The following MATR3 variants were observed in gnomAD, a reference collection of about 807,000 sequenced individuals.
MATR3 encodes the protein matrin 3.
In MATR3, 4 loss-of-function variants were observed where a neutral mutation model predicts 85.5. That is an observed-to-expected ratio of 0.05 (90% CI 0.02 to 0.11). MATR3 has a LOEUF of 0.11. Ranked by LOEUF, MATR3 falls within the 10% of genes least tolerant of loss-of-function variation. The pLI is 1.00. For synonymous variants in MATR3, 336 were observed against 343.1 expected, an observed-to-expected ratio of 0.98 and a Z score of 0.23; for missense variants, 685 against 1,016.1, an observed-to-expected ratio of 0.67 and a Z score of 4.43.
chr5:139,317,202 T>C lies in MATR3; in HGVS notation c.1182+97T>C, dbSNP rs750496768. The C allele has an allele frequency of 1.1e-5, 13 of 1,151,238 alleles. No homozygotes were observed. In the Middle Eastern group the frequency reaches 5.8e-4, roughly 52 times the overall value. The allele number at this position is 1,151,238 out of a possible 1,614,324, so 71.3% of individuals were successfully genotyped here. A position where few individuals can be genotyped will look rare whatever the true frequency, so the allele number is the denominator to read the frequency against. On this transcript the variant is annotated intron_variant, in intron 6 of 14. Coordinates refer to ENST00000394805, the MANE Select transcript of MATR3 (RefSeq NM_018834.6). Reference sequence around the variant, plus strand: ...AGTTGAGTATGTATCGTGGTCCTTATGGGAACATTGCTGTAATTTGAAAAC... The same window carrying C: ...AGTTGAGTATGTATCGTGGTCCTTACGGGAACATTGCTGTAATTTGAAAAC...
chr5:139,311,305 A>G (rs1228294863), intron 2 of MATR3: 1 of 152,192 alleles, frequency 6.6e-6, no homozygotes, highest in Non-Finnish European at 1.5e-5. Flanking sequence ...TTTCCTACAG[A>G]AATGTCTGAA....
Position 139,307,876 on chromosome 5 carries a change from C to G in MATR3, c.461C>G (p.Pro154Arg), listed in dbSNP as rs1754789311. 1 of 1,614,018 alleles carries G rather than the reference C, an allele frequency of 6.2e-7. No individual in the cohort carries two copies. The change falls in exon 2 of 15, where the codon CCT becomes CGT. Residue 154 changes from proline to arginine, a missense_variant. Around this residue, in one of 9 missense-constraint regions of MATR3, gnomAD observed 223 missense variants for 334.4 expected, o/e 0.67. Coordinates refer to ENST00000394805, the MANE Select transcript of MATR3 (RefSeq NM_018834.6). The surrounding 1 kb of genome is among the most constrained non-coding windows in gnomAD (Gnocchi z 4.4). ...QLKRRRTEEG[P>R]TLSYGRDGRS... ...AAAAGGAGGAGAACTGAAGAAGGCCCTACCTTGAGTTATGGTAGAGATGGC... is the reference window on the plus strand; with the variant it reads ...AAAAGGAGGAGAACTGAAGAAGGCCGTACCTTGAGTTATGGTAGAGATGGC...
chr5:139,323,040 C>G (rs1755659730), intron 12 of MATR3, 73 bp downstream of exon 12: 1 of 1,419,698 alleles, frequency 7.0e-7, no homozygotes. Flanking sequence ...TTTACCTAAG[C>G]AGGATCAGAT....
intron 7 of MATR3, 115 bp downstream of exon 7, chr5:139,317,836 A>G: frequency 9.5e-7 from 1 of 1,051,508 alleles, no homozygotes; most frequent in Non-Finnish European, 1.4e-6. Flanking sequence ...TAAGTTTATC[A>G]AATGCAGAAT....
chr5:139,279,155 T>C (rs1402488582), intron 3 of MATR3: 1 of 454,032 alleles, frequency 2.2e-6, no homozygotes, highest in African/African-American at 2.0e-5. Context: ...GTCATGTAGG[T>C]CCCAATTAAA....
At chr5:139,277,750 T>C (rs943799996) in intron 2 of MATR3, among the ~76,000 whole-genome samples, 2 of 145,006 alleles carry the variant, frequency 1.4e-5, no homozygotes, top group Non-Finnish European at 3.0e-5. Context: ...AAATATATCA[T>C]GTCTGCTCGT....
rs865888982 is a variant in MATR3 at position 139,330,374 on chromosome 5, G to A, written c.*979G>A. On this transcript the variant is annotated 3_prime_UTR_variant, in exon 15 of 15. Transcript: ENST00000394805. ...ATATCTGTGGATTCAAGTTACTGAA[G>A]TGAATACCAATAAAAAGAAAACCCT... 1.1e-4 allele frequency: 49 copies of A among 454,354 alleles called. No individual in the cohort carries two copies. Among genetic ancestry groups the A allele is most frequent in the Middle Eastern group, 1.4e-3 (2 of 1,466 alleles). The allele number at this position is 454,354 out of a possible 1,614,324, so 28.1% of individuals were successfully genotyped here.
chr5:139,321,716 A>G, intron 9 of MATR3, 182 bp from the exon 10 acceptor site: 2 of 632,210 alleles, frequency 3.2e-6, no homozygotes, highest in Non-Finnish European at 5.4e-6. Flanking sequence ...CCAGTACATC[A>G]ACGCTTCAGC....
intron 1 of MATR3, among the ~76,000 whole-genome samples, chr5:139,295,402 T>A (rs538443841): frequency 1.3e-5 from 2 of 152,374 alleles, no homozygotes; most frequent in South Asian, 4.1e-4. Context: ...GCCAGATGTG[T>A]GTTGAAGTGC....
intron 9 of MATR3, among the ~76,000 whole-genome samples, chr5:139,321,336 A>G (rs1172218286): frequency 3.0e-4 from 45 of 151,916 alleles, no homozygotes; most frequent in Admixed American, 3.0e-3. Context: ...CATTTGTAGT[A>G]GAGATGGGGT....
At position 139,307,138 on chromosome 5, in the gene MATR3, TG is replaced by T. The variant is rs1316769086; in HGVS notation, c.-177-100del. The T allele has an allele frequency of 1.7e-5, 14 of 811,536 alleles. No homozygotes were observed. The highest frequency in any genetic ancestry group is 5.0e-4 in the Middle Eastern group (1 of 1,984). The allele number at this position is 811,536 out of a possible 1,614,324, so 50.3% of individuals were successfully genotyped here. A position where few individuals can be genotyped will look rare whatever the true frequency, so the allele number is the denominator to read the frequency against. ...TTCCTTGTAAGTTTGAGATCTTAAA[TG>T]TTTTTTTTTTAAATCAACATGATGC... On this transcript the variant is annotated intron_variant, in intron 1 of 14. Transcript: ENST00000394805. This position sits in a 1 kb window ranked among gnomAD's most constrained non-coding sequence, Gnocchi z 4.4.
chr5:139,331,246 A>G lies in MATR3; in HGVS notation c.*1851A>G, dbSNP rs758790547. On this transcript the variant is annotated 3_prime_UTR_variant, in exon 15 of 15. Transcript: ENST00000394805. The stretch of plus-strand genomic sequence containing the variant: ...AAGTAGGTGATGATTTTAATGTGAC[A>G]TGCACAAAAAATCCTTGCCAGTTTA... The G allele has an allele frequency of 1.3e-5, 6 of 454,164 alleles. No individual in the cohort carries two copies. Among genetic ancestry groups the G allele is most frequent in the South Asian group, 9.3e-5 (6 of 64,482 alleles). The allele number at this position is 454,164 out of a possible 1,614,324, so 28.1% of individuals were successfully genotyped here. A position where few individuals can be genotyped will look rare whatever the true frequency, so the allele number is the denominator to read the frequency against.
chr5:139,313,924 G>GTT (rs1338214467), intron 2 of MATR3: 1 of 152,140 alleles, frequency 6.6e-6, no homozygotes, highest in African/African-American at 2.4e-5. Context: ...TTTTTGTTTT[G>GTT]TTTTGTTTTG....
chr5:139,311,768 T>TTTTTTTTTTTTTTTTTTG, intron 2 of MATR3: 1 of 118,560 alleles, frequency 8.4e-6, no homozygotes, highest in Non-Finnish European at 1.7e-5. Flanking sequence ...TTTTTTTTTT[T>TTTTTTTTTTTTTTTTTTG]TTTTTTTTTT....
In MATR3 at chr5:139,330,081, G is replaced by A. The variant is rs1417379646; in HGVS notation, c.*686G>A. On this transcript the variant is annotated 3_prime_UTR_variant, in exon 15 of 15. Transcript: ENST00000394805. Reference sequence around the variant, plus strand: ...AAAATATTCCCGTTATCTTTGACCAGTATTAATTTTTGAGATCTTACTGCT... The same window carrying A: ...AAAATATTCCCGTTATCTTTGACCAATATTAATTTTTGAGATCTTACTGCT... 2.2e-6 allele frequency: 1 copy of A among 454,470 alleles called. No individual in the cohort carries two copies. The highest frequency in any genetic ancestry group is 6.9e-5 in the East Asian group (1 of 14,400). 28.2% of individuals were successfully genotyped at this position (454,470 alleles called of 1,614,324 possible). A position where few individuals can be genotyped will look rare whatever the true frequency, so the allele number is the denominator to read the frequency against.
intron 2 of MATR3, chr5:139,310,224 C>CACT (rs1197552494): frequency 6.6e-6 from 1 of 152,170 alleles, no homozygotes; most frequent in Non-Finnish European, 1.5e-5. Flanking sequence ...GAGTAAGATA[C>CACT]ACTACCCTAG....
chr5:139,302,278 A>C (rs1221444821), intron 1 of MATR3, among the ~76,000 whole-genome samples: 1 of 152,108 alleles, frequency 6.6e-6, no homozygotes, highest in East Asian at 1.9e-4. Context: ...AAAAACTCTT[A>C]AGCCACTCAA....
At chr5:139,286,775 C>T (rs1753717824) in intron 3 of MATR3, among the ~76,000 whole-genome samples, 3 of 150,404 alleles carry the variant, frequency 2.0e-5, no homozygotes, top group Admixed American at 1.3e-4. Flanking sequence ...ACCTGGGAGG[C>T]GGAGGTTGCA....
intron 3 of MATR3, among the ~76,000 whole-genome samples, chr5:139,287,776 C>T (rs1328909253): frequency 6.6e-6 from 1 of 152,182 alleles, no homozygotes. Context: ...TTTACCCATG[C>T]CTGCTCACAA....
Sources: gnomAD v4.1 joint callset for allele counts (sites outside exome capture counted in the v4.1 genomes callset) on GRCh38, gnomAD v4.1.1 for gene constraint, gnomAD v4.1.1 regional missense constraint, Gnocchi (gnomAD v3.1) non-coding constraint, MANE v1.5 for transcripts, NCBI Gene and HGNC (gene_info 2026-07-23, HGNC 2026-07-21) for gene names.